The following TPRG1 variants were observed in gnomAD, a reference collection of about 807,000 sequenced individuals.
TPRG1 encodes tumor protein p63 regulated 1.
TPRG1 carries 29 observed loss-of-function variants against 29.3 expected under a neutral mutation model. The observed-to-expected ratio is 0.99, with a 90% CI of 0.74 to 1.35. The LOEUF is 1.35. TPRG1 is among the 40% of genes most tolerant of loss of function. TPRG1 has a pLI of 0.00. For synonymous variants in TPRG1, 130 were observed against 116.8 expected (o/e 1.11, Z -0.73); for missense variants, 327 against 335.0 (o/e 0.98, Z 0.19).
At chr3:189,251,171 T>A (rs976369259) in intron 4 of TPRG1, among the ~76,000 whole-genome samples, 2 of 152,014 alleles carry the variant, frequency 1.3e-5, no homozygotes, top group Non-Finnish European at 2.9e-5. Context: ...TCTCTGTTAC[T>A]GTAACTTCTG....
At chr3:189,287,258 T>G (rs1718207562) in intron 4 of TPRG1, among the ~76,000 whole-genome samples, 1 of 152,114 alleles carries the variant, frequency 6.6e-6, no homozygotes, top group South Asian at 2.1e-4. Flanking sequence ...CCTTGGGGAA[T>G]TCTACTTGTC....
intron 1 of TPRG1, among the ~76,000 whole-genome samples, chr3:189,103,041 TC>T (rs1173110562): frequency 9.2e-5 from 14 of 152,186 alleles, no homozygotes; most frequent in Admixed American, 3.3e-4. Context: ...CGTCTGTAAT[TC>T]CAGAGCACCT....
At chr3:188,997,876 T>C (rs1267497595) in intron 1 of TPRG1, among the ~76,000 whole-genome samples, 1 of 152,166 alleles carries the variant, frequency 6.6e-6, no homozygotes, top group Non-Finnish European at 1.5e-5. Flanking sequence ...GACCCTGATT[T>C]CTGTTTCTAG....
intron 4 of TPRG1, among the ~76,000 whole-genome samples, chr3:189,270,937 C>T (rs1319671174): frequency 6.6e-6 from 1 of 152,080 alleles, no homozygotes; most frequent in Non-Finnish European, 1.5e-5. Flanking sequence ...ATCTAAATCT[C>T]ATTTCTATTT....
intron 5 of TPRG1, among the ~76,000 whole-genome samples, chr3:189,165,397 G>A (rs557994089): frequency 7.7e-5 from 8 of 104,250 alleles, no homozygotes; most frequent in Non-Finnish European, 1.4e-4. Context: ...TGACTGTCAC[G>A]ATAGATGGAG....
chr3:189,002,496 A>G (rs1177866543), intron 2 of TPRG1, among the ~76,000 whole-genome samples: 1 of 152,074 alleles, frequency 6.6e-6, no homozygotes, highest in Admixed American at 6.6e-5. Flanking sequence ...CAGTTTCTAG[A>G]GTCATACTAT....
chr3:189,277,218 T>C (rs530445412), intron 4 of TPRG1, among the ~76,000 whole-genome samples: 1 of 152,298 alleles, frequency 6.6e-6, no homozygotes, highest in Admixed American at 6.5e-5. Flanking sequence ...TTTAAAGCAT[T>C]GAGTGTGTGA....
chr3:189,218,120 C>CTT, intron 3 of TPRG1: 24 of 782,048 alleles, frequency 3.1e-5, no homozygotes, highest in Middle Eastern at 6.5e-4. Flanking sequence ...AAGATTCTCT[C>CTT]TTTTTTTTTT....
At chr3:189,151,286 T>C (rs1007721091) in intron 5 of TPRG1, 8 of 152,158 alleles carry the variant, frequency 5.3e-5, no homozygotes, top group African/African-American at 1.9e-4. Context: ...AGATACTGTA[T>C]TATTAGAAAC....
At chr3:189,222,461 G>T (rs916166663) in intron 3 of TPRG1, among the ~76,000 whole-genome samples, 1 of 152,066 alleles carries the variant, frequency 6.6e-6, no homozygotes, top group African/African-American at 2.4e-5. Context: ...ATGGATTTTT[G>T]TACGCGCTCA....
intron 4 of TPRG1, among the ~76,000 whole-genome samples, chr3:189,067,481 A>G (rs1271564476): frequency 2.0e-5 from 3 of 152,222 alleles, no homozygotes; most frequent in Non-Finnish European, 4.4e-5. Flanking sequence ...AACATAGATC[A>G]ATGGAACAGG....
intron 1 of TPRG1, among the ~76,000 whole-genome samples, chr3:189,104,740 A>T (rs1052429164): frequency 6.6e-6 from 1 of 151,774 alleles, no homozygotes; most frequent in Non-Finnish European, 1.5e-5. Flanking sequence ...TACCCACCTG[A>T]ACTATTAATG....
upstream of TPRG1, among the ~76,000 whole-genome samples, chr3:189,097,836 AGG>A (rs1185957767): frequency 6.6e-6 from 1 of 152,226 alleles, no homozygotes; most frequent in African/African-American, 2.4e-5. Flanking sequence ...CTTCTCTGAA[AGG>A]ATCTCAGAAA....
At chr3:189,135,273 A>T (rs1723606034) in intron 3 of TPRG1, among the ~76,000 whole-genome samples, 1 of 152,176 alleles carries the variant, frequency 6.6e-6, no homozygotes, top group East Asian at 1.9e-4. Flanking sequence ...TGCAGTTCTA[A>T]TGGTTGTCCA....
chr3:189,211,975 C>T (rs1426412814), intron 2 of TPRG1: 3 of 147,672 alleles, frequency 2.0e-5, no homozygotes, highest in Non-Finnish European at 4.4e-5. Flanking sequence ...CAAAAGTACC[C>T]CTCAAGGCTA....
intron 1 of TPRG1, among the ~76,000 whole-genome samples, chr3:189,198,264 T>C (rs6765588): frequency 0.68 from 102,845 of 151,930 alleles, 36,268 homozygotes; most frequent in African/African-American, 0.9. Context: ...AGGTGCCTTA[T>C]TCCACACCTC....
At chr3:189,237,799 G>A (rs183203475) in intron 3 of TPRG1, among the ~76,000 whole-genome samples, 1 of 152,296 alleles carries the variant, frequency 6.6e-6, no homozygotes, top group East Asian at 1.9e-4. Context: ...GATTGATTCT[G>A]TGTGGTGAGG....
intron 4 of TPRG1, among the ~76,000 whole-genome samples, chr3:189,056,793 C>T (rs1715728712): frequency 6.6e-6 from 1 of 152,132 alleles, no homozygotes; most frequent in Admixed American, 6.5e-5. Flanking sequence ...GTGGGGTTTT[C>T]AGTTTTTACT....
chr3:189,239,476 G>A (rs957773365), intron 4 of TPRG1, among the ~76,000 whole-genome samples: 1 of 152,156 alleles, frequency 6.6e-6, no homozygotes, highest in African/African-American at 2.4e-5. Context: ...TTAGTATGAG[G>A]ACGTGACAAA....
Sources: gnomAD v4.1 joint callset for allele counts (sites outside exome capture counted in the v4.1 genomes callset) on GRCh38, gnomAD v4.1.1 for gene constraint, MANE v1.5 for transcripts, NCBI Gene and HGNC (gene_info 2026-07-23, HGNC 2026-07-21) for gene names.